The following EPRS1 variants were observed in gnomAD, a reference collection of about 807,000 sequenced individuals.
The protein encoded by EPRS1 is glutamyl-prolyl-tRNA synthetase 1.
A neutral mutation model predicts 188.3 loss-of-function variants in EPRS1; 107 were observed. The ratio of observed to expected loss-of-function variants is 0.57; its 90% CI spans 0.49 to 0.67. The LOEUF is 0.67. Ranked by LOEUF, EPRS1 falls within the 30% of genes least tolerant of loss-of-function variation. The probability of loss-of-function intolerance (pLI) is 0.00; values close to 1 mark genes in which losing one functional copy is unlikely to be tolerated. For missense variants in EPRS1, 1,577 were observed against 1,802.2 expected (o/e 0.88, Z 2.26); for synonymous variants, 596 against 593.1 (o/e 1.00, Z -0.07).
chr1:220,045,487 G>A (rs1571704591), intron 1 of EPRS1, among the ~76,000 whole-genome samples: 1 of 151,788 alleles, frequency 6.6e-6, no homozygotes, highest in African/African-American at 2.4e-5. Flanking sequence ...CTGGACGATA[G>A]AGCAAGACCC....
chr1:220,024,074 C>T (rs143985299), intron 8 of EPRS1, among the ~76,000 whole-genome samples, 190 bp downstream of exon 8: 3,047 of 152,258 alleles, frequency 0.02, 94 homozygotes, highest in African/African-American at 0.062. Flanking sequence ...ATCACTTGAA[C>T]CTGGGAGGCG....
At chr1:220,011,187 A>G (rs1232456703) in intron 12 of EPRS1, 131 bp from the exon 13 acceptor site, 8 of 554,664 alleles carry the variant, frequency 1.4e-5, no homozygotes, top group Non-Finnish European at 2.2e-5. Context: ...TTCAACTGTT[A>G]ACTCTTTTCT....
chr1:219,988,539 A>G (rs1661055661), intron 19 of EPRS1, 51 bp downstream of exon 19: 1 of 1,272,654 alleles, frequency 7.9e-7, no homozygotes, highest in Non-Finnish European at 1.1e-6. Context: ...GGCAAAGACA[A>G]TACCCTGAAA....
intron 9 of EPRS1, among the ~76,000 whole-genome samples, chr1:220,021,865 T>G (rs1661883770): frequency 6.6e-6 from 1 of 151,250 alleles, no homozygotes; most frequent in Admixed American, 6.6e-5. Context: ...AAGTAGGGTT[T>G]TTTTTTTTGG....
intron 28 of EPRS1, among the ~76,000 whole-genome samples, chr1:219,975,739 C>T (rs1372338963): frequency 1.3e-5 from 2 of 152,064 alleles, no homozygotes; most frequent in African/African-American, 2.4e-5. Context: ...GCCAGGTCCA[C>T]CCTATGGTTT....
chr1:220,031,980 T>C (rs1392285182), intron 5 of EPRS1, among the ~76,000 whole-genome samples: 1 of 152,170 alleles, frequency 6.6e-6, no homozygotes, highest in Non-Finnish European at 1.5e-5. Context: ...TGTCAGATTC[T>C]TGCAAGAAGA....
intron 2 of EPRS1, 21 bp downstream of exon 2, chr1:220,040,164 T>G: frequency 6.7e-7 from 1 of 1,499,428 alleles, no homozygotes; most frequent in Non-Finnish European, 9.2e-7. Flanking sequence ...GTACTGAAAA[T>G]AAAAAGATGA....
intron 18 of EPRS1, among the ~76,000 whole-genome samples, chr1:219,994,399 A>G (rs1661186008): frequency 6.6e-6 from 1 of 152,206 alleles, no homozygotes; most frequent in Non-Finnish European, 1.5e-5. Flanking sequence ...AAATGGGTAA[A>G]TAATTATCTT....
At position 220,005,817 on chromosome 1, in the gene EPRS1, G is replaced by GTT. The variant is rs765781858; in HGVS notation, c.1950+287_1950+288dup. 7.6e-4 allele frequency among the ~76,000 whole-genome samples: 91 copies of GTT among 119,638 alleles called. 1 individual carries two copies. Among genetic ancestry groups the GTT allele is most frequent in the African/African-American group, 2.8e-3 (82 of 29,732 alleles). 78.5% of individuals were successfully genotyped at this position (119,638 alleles called of 152,430 possible). Reference sequence around the variant, plus strand: ...ATAAAATGGAAACATTACTTACATCGTTTTTTTTTTTGTTTTTTTTTTTGT... The same window carrying GTT: ...ATAAAATGGAAACATTACTTACATCGTTTTTTTTTTTTTGTTTTTTTTTTTGT... On this transcript the variant is annotated intron_variant, in intron 15 of 31. Transcript: ENST00000366923.
chr1:219,988,662 C>T lies in EPRS1; in HGVS notation c.2703G>A (p.Ala901=), dbSNP rs36122746. ...AAGCTACTTTGTCAAAAAGTACTTT[C>T]GCTTCTGGTGTTTCTAAACCAGCAG... The part of the protein sequence containing the change: ...SEPAGLETPE[A]KVLFDKVASQ... The change falls in exon 19 of 32, where the codon GCG becomes GCA. Residue 901 remains alanine, a synonymous_variant. Coordinates refer to ENST00000366923, the MANE Select transcript of EPRS1 (RefSeq NM_004446.3). 20,530 of 1,613,900 alleles carry T rather than the reference C, an allele frequency of 0.013. 286 individuals carry two copies. The highest frequency in any genetic ancestry group is 0.063 in the East Asian group (2,828 of 44,864).
intron 17 of EPRS1, among the ~76,000 whole-genome samples, chr1:219,998,486 T>C (rs1463136123): frequency 2.6e-5 from 4 of 151,992 alleles, no homozygotes; most frequent in Non-Finnish European, 5.9e-5. Flanking sequence ...GCATATACAT[T>C]AAATAAATAA....
chr1:219,994,567 A>G (rs1661190345), intron 18 of EPRS1, among the ~76,000 whole-genome samples: 1 of 152,050 alleles, frequency 6.6e-6, no homozygotes, highest in Non-Finnish European at 1.5e-5. Flanking sequence ...AGACAACAAC[A>G]ACAATAAAAA....
intron 16 of EPRS1, among the ~76,000 whole-genome samples, chr1:220,004,634 T>G (rs191433382): frequency 6.6e-6 from 1 of 152,180 alleles, no homozygotes; most frequent in African/African-American, 2.4e-5. Flanking sequence ...TTGAACACGT[T>G]GAGTTTGAAA....
At chr1:220,018,115 T>C (rs1171259063) in intron 12 of EPRS1, 1 of 1,315,432 alleles carries the variant, frequency 7.6e-7, no homozygotes, top group African/African-American at 1.5e-5. Context: ...AATAAAAGCA[T>C]TAAGTAATAC....
chr1:219,979,282 G>GA (rs1660845529), intron 27 of EPRS1, 136 bp downstream of exon 27: 1 of 634,262 alleles, frequency 1.6e-6, no homozygotes, highest in Non-Finnish European at 2.8e-6. Context: ...CTAGGGTCCA[G>GA]ACTGCATTCC....
chr1:219,968,610 A>G lies in EPRS1; in HGVS notation c.*196T>C, dbSNP rs1354842524. On this transcript the variant is annotated 3_prime_UTR_variant, in exon 32 of 32. Transcript: ENST00000366923. ...AATACAAAAACCATATTAGTTCATG[A>G]TATTTATTACTGGAGTTGTTTACAG... is the stretch of plus-strand genomic sequence containing the variant. 3 of 554,576 alleles carry G rather than the reference A, an allele frequency of 5.4e-6. No homozygotes were observed. Among genetic ancestry groups the G allele is most frequent in the South Asian group, 2.6e-5 (1 of 38,678 alleles). The allele number at this position is 554,576 out of a possible 1,614,324, so 34.4% of individuals were successfully genotyped here.
At chr1:220,000,139 C>T (rs982701753) in intron 17 of EPRS1, among the ~76,000 whole-genome samples, 1 of 152,110 alleles carries the variant, frequency 6.6e-6, no homozygotes, top group Non-Finnish European at 1.5e-5. Flanking sequence ...TGTGATTTTG[C>T]AGAACATGAA....
At chr1:220,007,474 G>T in intron 13 of EPRS1, 136 bp from the exon 14 acceptor site, 1 of 693,010 alleles carries the variant, frequency 1.4e-6, no homozygotes, top group African/African-American at 1.8e-5. Flanking sequence ...GTTCATTGCT[G>T]TATTAGGAAG....
At chr1:220,045,763 A>T (rs1328512345) in intron 1 of EPRS1, among the ~76,000 whole-genome samples, 1 of 152,178 alleles carries the variant, frequency 6.6e-6, no homozygotes, top group African/African-American at 2.4e-5. Context: ...CAATTACCCT[A>T]CCACATTTAA....
Sources: gnomAD v4.1 joint callset for allele counts (sites outside exome capture counted in the v4.1 genomes callset) on GRCh38, gnomAD v4.1.1 for gene constraint, MANE v1.5 for transcripts, NCBI Gene and HGNC (gene_info 2026-07-23, HGNC 2026-07-21) for gene names.